RHBDD1: variants seen among roughly 807,000 people sequenced by gnomAD.
RHBDD1 encodes the protein rhomboid domain containing 1, also known as rhomboid-related protein 4.
RHBDD1 carries 38 observed loss-of-function variants against 36.3 expected under a neutral mutation model. The observed-to-expected ratio is 1.05, with a 90% CI of 0.81 to 1.37. The LOEUF (loss-of-function observed/expected upper bound fraction) is 1.37. Among genes scored for constraint, RHBDD1 ranks in the 40% most tolerant of loss-of-function variants. The pLI is 0.00. For synonymous variants in RHBDD1, 151 were observed against 136.5 expected (o/e 1.11, Z -0.74); for missense variants, 393 against 377.6 (o/e 1.04, Z -0.34).
In RHBDD1 at chr2:226,917,430, T is replaced by A. The variant is rs554358024; in HGVS notation, c.856+3079T>A. On this transcript the variant is annotated intron_variant, in intron 8 of 8. Coordinates refer to ENST00000392062, the MANE Select transcript of RHBDD1 (RefSeq NM_001167608.3). ...ATAATTTTTACTTTAAAAAAAAGAT[T>A]TTTACACATCAGATGCTATAAGACT... Among the ~76,000 whole-genome samples, 56 of 152,264 alleles carry A rather than the reference T, an allele frequency of 3.7e-4. 1 individual carries two copies. Among genetic ancestry groups the A allele is most frequent in the Admixed American group, 3.7e-3 (56 of 15,292 alleles).
At chr2:226,915,999 C>T (rs73992273) in intron 8 of RHBDD1, among the ~76,000 whole-genome samples, 1 of 152,346 alleles carries the variant, frequency 6.6e-6, no homozygotes, top group African/African-American at 2.4e-5. Context: ...TTCTACATGC[C>T]TGCCTGACTA....
chr2:226,957,745 C>T (rs1218859080), intron 8 of RHBDD1, among the ~76,000 whole-genome samples: 4 of 152,150 alleles, frequency 2.6e-5, no homozygotes, highest in Non-Finnish European at 5.9e-5. Context: ...TCTGAATAGA[C>T]ATTTATCCAA....
the RHBDD1 span, among the ~76,000 whole-genome samples, chr2:226,825,240 T>C: frequency 9.2e-5 from 14 of 152,248 alleles, no homozygotes; most frequent in African/African-American, 3.1e-4. Flanking sequence ...AAATTTTTCA[T>C]TATAATCATG....
At chr2:226,848,274 G>A (rs16822755) in intron 3 of RHBDD1, among the ~76,000 whole-genome samples, 1 of 152,080 alleles carries the variant, frequency 6.6e-6, no homozygotes, top group South Asian at 2.1e-4. Context: ...TAGAATATAA[G>A]TTTTACATAG....
At chr2:226,881,062 T>TCATG (rs1385648052) in intron 5 of RHBDD1, among the ~76,000 whole-genome samples, 3 of 152,064 alleles carry the variant, frequency 2.0e-5, no homozygotes, top group Non-Finnish European at 4.4e-5. Context: ...AAACTTATAA[T>TCATG]CATGGTGGAA....
chr2:226,920,232 G>T (rs1949214352), intron 8 of RHBDD1, among the ~76,000 whole-genome samples: 1 of 151,926 alleles, frequency 6.6e-6, no homozygotes, highest in African/African-American at 2.4e-5. Context: ...GCTGACTTTT[G>T]TATGTTGATT....
chr2:226,812,595 TG>T, the RHBDD1 span, among the ~76,000 whole-genome samples: 5 of 152,036 alleles, frequency 3.3e-5, no homozygotes, highest in East Asian at 1.9e-4. Context: ...ATCCCCATGG[TG>T]GGGGGAAAAG....
At chr2:226,951,484 T>A (rs4414671) in intron 8 of RHBDD1, among the ~76,000 whole-genome samples, 75,852 of 152,014 alleles carry the variant, frequency 0.5, 19,767 homozygotes, top group African/African-American at 0.66. Flanking sequence ...TCATGAAAAG[T>A]TTTCAAATTA....
intron 7 of RHBDD1, among the ~76,000 whole-genome samples, chr2:226,911,432 G>A (rs191276400): frequency 1.6e-3 from 245 of 151,868 alleles, no homozygotes; most frequent in African/African-American, 5.8e-3. Context: ...ATTCAGTGAC[G>A]TCTCTATAAA....
chr2:226,953,081 G>T (rs940779986), intron 8 of RHBDD1, among the ~76,000 whole-genome samples: 2 of 152,150 alleles, frequency 1.3e-5, no homozygotes, highest in African/African-American at 4.8e-5. Flanking sequence ...GTAAAATAGC[G>T]TGTTTTTTGT....
intron 3 of RHBDD1, among the ~76,000 whole-genome samples, chr2:226,855,793 A>G (rs1181022881): frequency 6.6e-6 from 1 of 152,252 alleles, no homozygotes. Flanking sequence ...CACAGTAGTC[A>G]TAAAGACGAG....
At chr2:226,937,639 T>C (rs1244693224) in intron 8 of RHBDD1, among the ~76,000 whole-genome samples, 1 of 152,104 alleles carries the variant, frequency 6.6e-6, no homozygotes, top group African/African-American at 2.4e-5. Context: ...TTCATCTCCG[T>C]GTGTCCATGC....
chr2:226,843,556 A>T (rs1941902398), intron 3 of RHBDD1, among the ~76,000 whole-genome samples: 1 of 152,154 alleles, frequency 6.6e-6, no homozygotes, highest in Non-Finnish European at 1.5e-5. Context: ...AGTTCTGCTT[A>T]TGTGATGAAT....
At chr2:226,912,792 G>A (rs1948612520) in intron 7 of RHBDD1, among the ~76,000 whole-genome samples, 1 of 151,974 alleles carries the variant, frequency 6.6e-6, no homozygotes, top group African/African-American at 2.4e-5. Context: ...GGTAATGATG[G>A]TGCAACTCTA....
Position 226,950,491 on chromosome 2 carries a change from C to T in RHBDD1, c.856+36140C>T, listed in dbSNP as rs141308030. 4.4e-3 allele frequency among the ~76,000 whole-genome samples: 664 copies of T among 152,284 alleles called. 4 individuals are homozygous for T. Among genetic ancestry groups the T allele is most frequent in the African/African-American group, 0.015 (620 of 41,558 alleles). On this transcript the variant is annotated intron_variant, in intron 8 of 8. Transcript: ENST00000392062. Reference sequence around the variant, plus strand: ...GATTACTGGCTATTGTGAATAATGCCTCAATGAACATGGGAGTGCAGATAT... The same window carrying T: ...GATTACTGGCTATTGTGAATAATGCTTCAATGAACATGGGAGTGCAGATAT...
chr2:226,836,335 G>A (rs1378609350), intron 1 of RHBDD1: 1 of 152,478 alleles, frequency 6.6e-6, no homozygotes, highest in Non-Finnish European at 1.5e-5. Context: ...CGAAGTTGCC[G>A]CATCTCCGCC....
chr2:226,910,098 A>G (rs527610423), intron 7 of RHBDD1, among the ~76,000 whole-genome samples: 12 of 152,320 alleles, frequency 7.9e-5, no homozygotes, highest in African/African-American at 2.6e-4. Flanking sequence ...GTGTAAGGAT[A>G]TGAGATTGAC....
At chr2:226,856,727 T>C (rs749626420) in intron 3 of RHBDD1, among the ~76,000 whole-genome samples, 6 of 152,236 alleles carry the variant, frequency 3.9e-5, no homozygotes, top group Non-Finnish European at 7.3e-5. Context: ...ACCACGTTAA[T>C]GCGCTATTTG....
At chr2:226,912,350 A>G (rs1358428361) in intron 7 of RHBDD1, among the ~76,000 whole-genome samples, 1 of 152,152 alleles carries the variant, frequency 6.6e-6, no homozygotes, top group Admixed American at 6.5e-5. Context: ...TTCCACTTTT[A>G]GGTATATACT....
Sources: gnomAD v4.1 joint callset for allele counts (sites outside exome capture counted in the v4.1 genomes callset) on GRCh38, gnomAD v4.1.1 for gene constraint, MANE v1.5 for transcripts, NCBI Gene and HGNC (gene_info 2026-07-23, HGNC 2026-07-21) for gene names.